Variants in PCDH11X observed in about 807,000 individuals in gnomAD.
The protein encoded by PCDH11X is protocadherin-11 X-linked.
Under a neutral mutation model 53.3 loss-of-function variants are expected in PCDH11X, and 18 were observed. The observed-to-expected ratio is 0.34, with a 90% CI of 0.23 to 0.50. The LOEUF (loss-of-function observed/expected upper bound fraction) is 0.50, where lower values mean the gene tolerates loss of function less well. Ranked by LOEUF, PCDH11X falls within the 20% of genes least tolerant of loss-of-function variation. The pLI, the probability that PCDH11X is intolerant of heterozygous loss-of-function variation, is 0.98. For missense variants in PCDH11X, 570 were observed against 1,032.4 expected (o/e 0.55, Z 6.14); for synonymous variants, 279 against 393.3 (o/e 0.71, Z 3.44).
intron 10 of PCDH11X, among the ~76,000 whole-genome samples, chrX:92,590,416 A>T (rs1350250946): frequency 3.6e-5 from 4 of 111,260 alleles, no homozygotes; most frequent in Non-Finnish European, 5.7e-5. Flanking sequence ...AATGAGGAAC[A>T]CAGAGGTGAT....
intron 6 of PCDH11X, among the ~76,000 whole-genome samples, chrX:91,890,336 A>G (rs1439618005): frequency 9.0e-6 from 1 of 111,364 alleles, no homozygotes; most frequent in East Asian, 2.8e-4. Context: ...TCGTTTCTAA[A>G]CTATAATCAC....
At chrX:92,556,119 C>T (rs981971789) in intron 10 of PCDH11X, among the ~76,000 whole-genome samples, 2 of 111,700 alleles carry the variant, frequency 1.8e-5, no homozygotes, top group Non-Finnish European at 3.8e-5. Flanking sequence ...CCCACTGGGT[C>T]CCTCCCATGA....
chrX:92,224,613 T>C lies in PCDH11X; in HGVS notation c.3114+23158T>C, dbSNP rs1363072510. Among the ~76,000 whole-genome samples, 6 of 111,636 alleles carry C rather than the reference T, an allele frequency of 5.4e-5. No homozygotes were observed. The East Asian group carries it at 1.4e-3, about 26-fold the overall frequency. The stretch of plus-strand genomic sequence containing the variant: ...TCAAGCTGTTTCTGTACCTCACTTC[T>C]GTTTCCTGTGTCTCACTTCTGTTTT... On this transcript the variant is annotated intron_variant, in intron 7 of 10. Coordinates refer to ENST00000682573, the MANE Select transcript of PCDH11X (RefSeq NM_032968.5).
At chrX:92,148,165 CTTCCTTCCTTCTTTCTTTCT>C (rs2065357602) in intron 6 of PCDH11X, among the ~76,000 whole-genome samples, 1 of 19,239 alleles carries the variant, frequency 5.2e-5, no homozygotes, top group South Asian at 1.8e-3. Context: ...TCCTTCCTTC[CTTCCTTCCTTCTTTCTTTCT>C]TTCTTTCTTT....
chrX:92,107,887 T>C (rs1251032926), intron 6 of PCDH11X, among the ~76,000 whole-genome samples: 1 of 112,016 alleles, frequency 8.9e-6, no homozygotes, highest in Non-Finnish European at 1.9e-5. Flanking sequence ...ATTTGACTCT[T>C]TTCATCGACA....
chrX:92,300,341 G>C (rs963429230), intron 8 of PCDH11X, among the ~76,000 whole-genome samples: 2 of 111,410 alleles, frequency 1.8e-5, no homozygotes, highest in Non-Finnish European at 3.8e-5. Context: ...TAATTTAGAT[G>C]TAAGAAGACA....
intron 6 of PCDH11X, among the ~76,000 whole-genome samples, chrX:92,146,174 G>A (rs897433432): frequency 1.4e-4 from 15 of 110,473 alleles, no homozygotes; most frequent in African/African-American, 4.6e-4. Flanking sequence ...TCCTGCCTAC[G>A]AGAAAGAATG....
chrX:92,297,431 G>A (rs547524547), intron 8 of PCDH11X, among the ~76,000 whole-genome samples: 44 of 109,595 alleles, frequency 4.0e-4, no homozygotes, highest in Middle Eastern at 4.6e-3. Flanking sequence ...TGTTTTTGTC[G>A]ACTTTGTCAA....
At chrX:92,604,801 G>A (rs1030316671) in intron 10 of PCDH11X, among the ~76,000 whole-genome samples, 4 of 108,216 alleles carry the variant, frequency 3.7e-5, no homozygotes, top group South Asian at 3.9e-4. Flanking sequence ...ACTAATATCC[G>A]GCAATAAAAG....
At chrX:91,833,804 G>A (rs1937197956) in intron 4 of PCDH11X, among the ~76,000 whole-genome samples, 1 of 111,325 alleles carries the variant, frequency 9.0e-6, no homozygotes, top group Non-Finnish European at 1.9e-5. Flanking sequence ...CTATGCAATG[G>A]GACAGTTATT....
intron 8 of PCDH11X, among the ~76,000 whole-genome samples, chrX:92,357,068 C>T (rs1244388371): frequency 1.9e-4 from 21 of 109,958 alleles, no homozygotes; most frequent in Non-Finnish European, 3.4e-4. Flanking sequence ...TTCTCAATGG[C>T]GAGTGGAATG....
intron 6 of PCDH11X, among the ~76,000 whole-genome samples, chrX:92,053,002 C>T (rs745709098): frequency 8.9e-6 from 1 of 111,757 alleles, no homozygotes; most frequent in African/African-American, 3.2e-5. Context: ...AAAAAGATCT[C>T]TACATATTTA....
In PCDH11X at chrX:91,835,934, A is replaced by T; in HGVS notation, c.430A>T (p.Ile144Phe). The T allele has an allele frequency of 8.3e-7, 1 of 1,206,414 alleles. No individual in the cohort carries two copies. The highest frequency in any genetic ancestry group is 1.1e-6 in the Non-Finnish European group (1 of 893,686). Residue 144 changes from isoleucine to phenylalanine, a missense_variant, in exon 5 of 11, where the codon ATC becomes TTC. Coordinates refer to ENST00000682573, the MANE Select transcript of PCDH11X (RefSeq NM_032968.5). ...TGCACCATTGTTCCCAGCAACAGTT[A>T]TCAACATATCAATTCCAGAGAACTC... ...DNAPLFPATV[I>F]NISIPENSAI...
Position 92,606,363 on chromosome X carries a change from G to A in PCDH11X, c.3368-11901G>A, listed in dbSNP as rs2750692. 8.3e-5 allele frequency among the ~76,000 whole-genome samples: 9 copies of A among 108,673 alleles called. No homozygotes were observed. In the South Asian group the frequency reaches 3.1e-3, roughly 38 times the overall value. 94.4% of individuals were successfully genotyped at this position (108,673 alleles called of 115,157 possible). A position where few individuals can be genotyped will look rare whatever the true frequency, so the allele number is the denominator to read the frequency against. ...AACTAAGCCTTTTCCATTTTAAAACGTTCCTCAAACCAATAGCAATCAATG... is the reference window on the plus strand; with the variant it reads ...AACTAAGCCTTTTCCATTTTAAAACATTCCTCAAACCAATAGCAATCAATG... On this transcript the variant is annotated intron_variant, in intron 10 of 10. Transcript: ENST00000682573.
chrX:91,933,467 T>C (rs1294861780), intron 6 of PCDH11X, among the ~76,000 whole-genome samples: 1 of 111,484 alleles, frequency 9.0e-6, no homozygotes, highest in Non-Finnish European at 1.9e-5. Flanking sequence ...ATACCTACAA[T>C]GCATTTTTTC....
chrX:92,497,569 A>G, intron 10 of PCDH11X, among the ~76,000 whole-genome samples: 1 of 110,973 alleles, frequency 9.0e-6, no homozygotes, highest in Middle Eastern at 4.3e-3. Context: ...AGTACAGAGT[A>G]TAAGATAAAT....
At chrX:92,365,384 G>T (rs890788292) in intron 8 of PCDH11X, among the ~76,000 whole-genome samples, 1 of 110,024 alleles carries the variant, frequency 9.1e-6, no homozygotes, top group African/African-American at 3.3e-5. Flanking sequence ...AGTGCAGTAG[G>T]TTTTTGCTGT....
At chrX:92,445,118 G>A (rs1271373264) in intron 9 of PCDH11X, among the ~76,000 whole-genome samples, 23 of 97,356 alleles carry the variant, frequency 2.4e-4, no homozygotes, top group African/African-American at 7.0e-4. Context: ...TTTTGGAATA[G>A]TTTCAGTAGA....
intron 6 of PCDH11X, among the ~76,000 whole-genome samples, chrX:92,018,579 C>T (rs2062834321): frequency 8.9e-6 from 1 of 112,189 alleles, no homozygotes; most frequent in Non-Finnish European, 1.9e-5. Flanking sequence ...AAATTAATGG[C>T]ATTTGTCTAA....
Sources: gnomAD v4.1 joint callset for allele counts (sites outside exome capture counted in the v4.1 genomes callset) on GRCh38, gnomAD v4.1.1 for gene constraint, MANE v1.5 for transcripts, NCBI Gene and HGNC (gene_info 2026-07-23, HGNC 2026-07-21) for gene names.